Variants in CYP11B2 observed in about 807,000 individuals in gnomAD.
CYP11B2 encodes cytochrome P450 family 11 subfamily B member 2.
Under a neutral mutation model 49.3 loss-of-function variants are expected in CYP11B2, and 38 were observed. The observed-to-expected ratio is 0.77, with a 90% CI of 0.59 to 1.01. The LOEUF (loss-of-function observed/expected upper bound fraction) is 1.01. Ranked by LOEUF, CYP11B2 falls within the 50% of genes least tolerant of loss-of-function variation. The pLI is 0.00. For missense variants in CYP11B2, 669 were observed against 655.5 expected (o/e 1.02, Z -0.23); for synonymous variants, 290 against 269.3 (o/e 1.08, Z -0.75).
chr8:142,913,763 C>T (rs532006497), intron 5 of CYP11B2, among the ~76,000 whole-genome samples: 2 of 152,280 alleles, frequency 1.3e-5, no homozygotes, highest in South Asian at 2.1e-4. Flanking sequence ...AGCCCCAGCT[C>T]CCTCTGCTTC....
In CYP11B2 at chr8:142,912,104, G is replaced by GA; in HGVS notation, c.1399-12_1399-11insT. On this transcript the variant is annotated splice_polypyrimidine_tract_variant and intron_variant, in intron 8 of 8. Transcript: ENST00000323110. Reference sequence around the variant, plus strand: ...GAAGTGCTTCAGCACCTAGGACAGAGGCTGGGTTTCCATCTGGCCTGGTCA... The same window carrying GA: ...GAAGTGCTTCAGCACCTAGGACAGAGAGCTGGGTTTCCATCTGGCCTGGTCA... The GA allele has an allele frequency of 6.2e-7, 1 of 1,613,952 alleles. No individual in the cohort carries two copies. The highest frequency in any genetic ancestry group is 8.5e-7 in the Non-Finnish European group (1 of 1,179,906).
Position 142,917,130 on chromosome 8 carries a change from G to A in CYP11B2, c.324C>T (p.Pro108=), listed in dbSNP as rs1257694815. Residue 108 remains proline, a synonymous_variant, in exon 2 of 9, where the codon CCC becomes CCT. Transcript: ENST00000323110. ...CCCAGGGCTCCAGGATCATCCTGCA[G>A]GGATGCAGGCTGTCCACCTGTTGCA... ...EKLQQVDSLH[P]CRMILEPWVA... The A allele has an allele frequency of 7.4e-6, 12 of 1,614,124 alleles. No individual in the cohort carries two copies. Among genetic ancestry groups the A allele is most frequent in the Non-Finnish European group, 1.0e-5 (12 of 1,180,046 alleles).
intron 2 of CYP11B2, among the ~76,000 whole-genome samples, chr8:142,916,071 C>T (rs1817639525): frequency 6.9e-6 from 1 of 143,924 alleles, no homozygotes; most frequent in Non-Finnish European, 1.6e-5. Context: ...ACACACACCA[C>T]ACATACATTC....
chr8:142,917,730 C>T lies in CYP11B2; in HGVS notation c.111G>A (p.Pro37=), dbSNP rs5281. The T allele has an allele frequency of 1.0e-3, 1,643 of 1,614,232 alleles. 10 individuals carry two copies. In the East Asian group the frequency reaches 0.023, roughly 23 times the overall value. ...RAARAPRTVL[P]FEAMPQHPGN... ...CTGGATGCTGGGGCATGGCTTCAAA[C>T]GGCAGCACCGTCCTAGGGGCCCGAG... is the stretch of plus-strand genomic sequence containing the variant. Residue 37 remains proline (P), a synonymous_variant, in exon 1 of 9, where the codon CCG becomes CCA. Transcript: ENST00000323110.
chr8:142,914,544 G>A (rs1434133743), intron 4 of CYP11B2, 126 bp from the exon 5 acceptor site: 7 of 1,392,730 alleles, frequency 5.0e-6, no homozygotes, highest in East Asian at 2.5e-5. Flanking sequence ...CTCCGGATCA[G>A]CCCAGCCCAG....
chr8:142,912,764 G>A lies in CYP11B2; in HGVS notation c.1201-37C>T, dbSNP rs1339890633. The A allele has an allele frequency of 3.1e-6, 5 of 1,613,212 alleles. No individual in the cohort carries two copies. The South Asian group carries it at 4.4e-5, about 14-fold the overall frequency. On this transcript the variant is annotated intron_variant, in intron 7 of 8. Coordinates refer to ENST00000323110, the MANE Select transcript of CYP11B2 (RefSeq NM_000498.3). ...GCAGAGCAGGGATCAGGGAATGACT[G>A]GGGAGGGAGGTTCTCAGCTCGAGGG...
chr8:142,915,346 G>A, intron 2 of CYP11B2, 101 bp from the exon 3 acceptor site: 1 of 1,082,186 alleles, frequency 9.2e-7, no homozygotes, highest in South Asian at 1.3e-5. Context: ...GGCCTGCAGG[G>A]AGCTGACTGG....
chr8:142,913,251 C>T (rs1331022025), intron 6 of CYP11B2, 34 bp downstream of exon 6: 4 of 1,608,642 alleles, frequency 2.5e-6, no homozygotes, highest in Admixed American at 1.7e-5. Context: ...CAGCAGGGGG[C>T]CAGGGCCACA....
In CYP11B2 at chr8:142,915,121, T is replaced by A; in HGVS notation, c.520A>T (p.Lys174Ter). Residue 174 changes from lysine to a stop codon, truncating the protein, a stop_gained, in exon 3 of 9, where the codon AAG becomes TAG. Coordinates refer to ENST00000323110, the MANE Select transcript of CYP11B2 (RefSeq NM_000498.3). LOFTEE classifies it high-confidence loss of function. ...VARDFSQALK[K>*]KVLQNARGSL... ...CCCCGGGCGTTCTGCAGCACCTTCT[T>A]CTTCAGGGCCTGGGAGAAGTCCCTG... The A allele has an allele frequency of 3.1e-6, 5 of 1,613,792 alleles. No homozygotes were observed. Among genetic ancestry groups the A allele is most frequent in the Non-Finnish European group, 4.2e-6 (5 of 1,179,910 alleles).
At chr8:142,912,163 C>A (rs1817548536) in intron 8 of CYP11B2, 70 bp from the exon 9 acceptor site, 2 of 1,606,656 alleles carry the variant, frequency 1.2e-6, no homozygotes, top group Non-Finnish European at 1.7e-6. Context: ...TTCCTCCCAT[C>A]GTCCCAGGTG....
intron 8 of CYP11B2, 49 bp downstream of exon 8, chr8:142,912,481 G>T: frequency 6.3e-7 from 1 of 1,584,074 alleles, no homozygotes; most frequent in Non-Finnish European, 8.6e-7. Context: ...CAGTGTGCAG[G>T]TCCCGCCTCT....
chr8:142,917,195 G>C lies in CYP11B2; in HGVS notation c.259C>G (p.Arg87Gly), dbSNP rs373048150. ...PIFRYNLGGP[R>G]MVCVMLPEDV... ...TCCGGCAGCATCACACACACCATGCGTGGTCCTCCCAAGTTGTACCTGTGG... is the reference window on the plus strand; with the variant it reads ...TCCGGCAGCATCACACACACCATGCCTGGTCCTCCCAAGTTGTACCTGTGG... Residue 87 changes from arginine (R) to glycine (G), a missense_variant, in exon 2 of 9, where the codon CGC becomes GGC. Physicochemically the swap from Arg to Gly is moderately radical, Grantham distance 125. Transcript: ENST00000323110. 3.8e-5 allele frequency: 61 copies of C among 1,613,936 alleles called. No individual in the cohort carries two copies. Among genetic ancestry groups the C allele is most frequent in the African/African-American group, 3.2e-4 (24 of 74,912 alleles).
chr8:142,917,482 C>T (rs61758588), intron 1 of CYP11B2, 120 bp downstream of exon 1: 3 of 1,612,944 alleles, frequency 1.9e-6, no homozygotes, highest in East Asian at 2.2e-5. Flanking sequence ...CTTCCCCATC[C>T]TCCAAAGGAT....
intron 8 of CYP11B2, among the ~76,000 whole-genome samples, 181 bp downstream of exon 8, chr8:142,912,349 G>T (rs6431): frequency 6.6e-6 from 1 of 151,716 alleles, no homozygotes; most frequent in Non-Finnish European, 1.5e-5. Flanking sequence ...TTTAGAAGCA[G>T]CCTCACCCAG....
At chr8:142,914,083 C>T (rs766194863) in intron 5 of CYP11B2, 181 bp downstream of exon 5, 8 of 739,902 alleles carry the variant, frequency 1.1e-5, no homozygotes, top group Non-Finnish European at 1.9e-5. Flanking sequence ...GGGGAGCTCA[C>T]ATTTCCCCTC....
At position 142,914,867 on chromosome 8, in the gene CYP11B2, C is replaced by T. The variant is rs1392243160; in HGVS notation, c.637G>A (p.Gly213Ser). The change falls in exon 4 of 9, where the codon GGC (glycine) becomes AGC (serine). Residue 213 changes from glycine (G) to serine (S), a missense_variant. Transcript: ENST00000323110. ...AGGCTGGCAGAACTGGGGCTGTGGC[C>T]AACCAGGCCCAGCCGCTCTCCAAAA... The part of the protein sequence containing the change: ...ALFGERLGLV[G>S]HSPSSASLNF... 1 of 1,613,596 alleles carries T rather than the reference C, an allele frequency of 6.2e-7. No homozygotes were observed. Among genetic ancestry groups the T allele is most frequent in the African/African-American group, 1.3e-5 (1 of 74,670 alleles).
chr8:142,915,954 G>A (rs1409810858), intron 2 of CYP11B2, among the ~76,000 whole-genome samples: 2 of 152,146 alleles, frequency 1.3e-5, no homozygotes, highest in Non-Finnish European at 2.9e-5. Flanking sequence ...GCACACGTGC[G>A]CCCATGCAAG....
intron 5 of CYP11B2, 77 bp downstream of exon 5, chr8:142,914,187 G>T (rs527767252): frequency 3.9e-6 from 6 of 1,538,986 alleles, no homozygotes; most frequent in Non-Finnish European, 9.0e-7. Context: ...CGTGGGTGCC[G>T]TGTGGCATTG....
In CYP11B2 at chr8:142,912,724, A is replaced by G. The variant is rs1302537688; in HGVS notation, c.1204T>C (p.Leu402=). ...LQNYHIPAGT[L]VQVFLYSLGR... is the part of the protein sequence containing the mutation. Reference sequence around the variant, plus strand: ...AGCGAGTAGAGGAAAACCTGTACCAATGTCTGCGGACGGTGCAGAGCAGGG... The same window carrying G: ...AGCGAGTAGAGGAAAACCTGTACCAGTGTCTGCGGACGGTGCAGAGCAGGG... Residue 402 remains leucine, a synonymous_variant, in exon 8 of 9, where the codon TTG becomes CTG. Transcript: ENST00000323110. 1.9e-6 allele frequency: 3 copies of G among 1,613,674 alleles called. No homozygotes were observed. The highest frequency in any genetic ancestry group is 2.7e-5 in the African/African-American group (2 of 74,858).
Sources: allele counts gnomAD v4.1 joint callset (sites outside exome capture counted in the v4.1 genomes callset), GRCh38; gene constraint gnomAD v4.1.1; transcripts MANE v1.5; gene names NCBI Gene and HGNC (gene_info 2026-07-23, HGNC 2026-07-21).